Variants in PLEKHG1 observed in about 807,000 individuals in gnomAD.
PLEKHG1 encodes pleckstrin homology domain-containing family G member 1.
In PLEKHG1, 44 loss-of-function variants were observed where a neutral mutation model predicts 100.8. The ratio of observed to expected loss-of-function variants is 0.44; its 90% CI spans 0.34 to 0.56. The LOEUF (loss-of-function observed/expected upper bound fraction) is 0.56. PLEKHG1 is among the 20% of genes least tolerant of loss of function. The pLI, the probability that PLEKHG1 is intolerant of heterozygous loss-of-function variation, is 0.01. For synonymous variants in PLEKHG1, 640 were observed against 662.5 expected, an observed-to-expected ratio of 0.97 and a Z score of 0.52; for missense variants, 1,545 against 1,720.9, an observed-to-expected ratio of 0.90 and a Z score of 1.81.
chr6:150,725,558 A>G (rs150169093), intron 1 of PLEKHG1, among the ~76,000 whole-genome samples: 5 of 152,276 alleles, frequency 3.3e-5, no homozygotes, highest in Admixed American at 3.3e-4. Flanking sequence ...TGTTGGATGC[A>G]TGGTTTGCAA....
chr6:150,747,062 G>C (rs1196037264), intron 2 of PLEKHG1, among the ~76,000 whole-genome samples: 1 of 152,202 alleles, frequency 6.6e-6, no homozygotes, highest in Non-Finnish European at 1.5e-5. Flanking sequence ...CTGATATATT[G>C]CAAAGACCGC....
intron 3 of PLEKHG1, among the ~76,000 whole-genome samples, chr6:150,704,610 T>TA (rs770562136): frequency 9.2e-5 from 14 of 152,252 alleles, no homozygotes; most frequent in Non-Finnish European, 1.8e-4. Flanking sequence ...TCAGGTACCT[T>TA]TGCCCATTCC....
chr6:150,800,238 AG>A (rs913951695), intron 5 of PLEKHG1, among the ~76,000 whole-genome samples: 1 of 152,210 alleles, frequency 6.6e-6, no homozygotes, highest in African/African-American at 2.4e-5. Context: ...AGGGGCCAGC[AG>A]AGGGGGTGAT....
intron 4 of PLEKHG1, 78 bp from the exon 6 acceptor site, chr6:150,795,778 A>G (rs1306096654): frequency 1.1e-5 from 9 of 821,298 alleles, no homozygotes; most frequent in African/African-American, 3.4e-5. Context: ...CCCGAATGCT[A>G]TTTCTTTTTA....
chr6:150,748,407 GTTTTA>G (rs989022202), intron 2 of PLEKHG1, among the ~76,000 whole-genome samples: 4 of 145,042 alleles, frequency 2.8e-5, no homozygotes. Flanking sequence ...AGTAAGGAGT[GTTTTA>G]TTTGATATTT....
chr6:150,836,095 G>C (rs1381400625), intron 15 of PLEKHG1, among the ~76,000 whole-genome samples: 1 of 152,204 alleles, frequency 6.6e-6, no homozygotes, highest in East Asian at 1.9e-4. Context: ...AATGAAAGGA[G>C]TCTGGGTGCA....
chr6:150,761,123 T>TTTTTTC (rs1784137738), intron 2 of PLEKHG1, among the ~76,000 whole-genome samples: 1 of 103,376 alleles, frequency 9.7e-6, no homozygotes. Context: ...TTTTTTTTTT[T>TTTTTTC]GAGACAAAGT....
intron 2 of PLEKHG1, among the ~76,000 whole-genome samples, chr6:150,753,747 A>G (rs1289866943): frequency 6.6e-6 from 1 of 152,186 alleles, no homozygotes. Flanking sequence ...CGAAATGCAT[A>G]GTTTAGGGAC....
Position 150,831,072 on chromosome 6 carries a change from T to C in PLEKHG1, c.1961T>C (p.Ile654Thr), listed in dbSNP as rs1191918839. Residue 654 changes from isoleucine to threonine, a missense_variant, in exon 15 of 16, where the codon ATT (isoleucine) becomes ACT (threonine). Physicochemically the swap from Ile to Thr is moderately conservative, Grantham distance 89. Coordinates refer to ENST00000358517, the Ensembl canonical transcript of PLEKHG1. The surrounding 1 kb of genome is among the most constrained non-coding windows in gnomAD (Gnocchi z 4.1). ...TTTGGGTCATCCATAGAGTTGACTA[T>C]TGATGACATAGACCATGTCTATGAT... 4 of 1,614,056 alleles carry C rather than the reference T, an allele frequency of 2.5e-6. No homozygotes were observed. Among genetic ancestry groups the C allele is most frequent in the African/African-American group, 2.7e-5 (2 of 75,042 alleles).
intron 7 of PLEKHG1, 60 bp downstream of exon 8, chr6:150,804,801 C>G (rs1301375529): frequency 1.3e-6 from 2 of 1,539,074 alleles, no homozygotes; most frequent in African/African-American, 2.7e-5. Flanking sequence ...TACTGTTTTC[C>G]CAATAAAATA....
intron 2 of PLEKHG1, among the ~76,000 whole-genome samples, chr6:150,764,337 T>C (rs1784347690): frequency 6.6e-6 from 1 of 152,194 alleles, no homozygotes; most frequent in Admixed American, 6.5e-5. Flanking sequence ...CAGGCTGGTC[T>C]TGAACTCCTG....
In PLEKHG1 at chr6:150,640,557, A is replaced by G. The variant is rs147884449; in HGVS notation, c.-158+2432A>G. On this transcript the variant is annotated intron_variant, in intron 2 of 3. Transcript: ENST00000367326. ...TCCTCTCTAAAAGATCTATCTTGTCACCATTTATATATCATCCGGACTCTC... is the reference window on the plus strand; with the variant it reads ...TCCTCTCTAAAAGATCTATCTTGTCGCCATTTATATATCATCCGGACTCTC... Among the ~76,000 whole-genome samples the G allele has an allele frequency of 2.6e-5, 4 of 152,090 alleles. No individual in the cohort carries two copies. The East Asian group carries it at 7.7e-4, about 29-fold the overall frequency.
chr6:150,831,334 C>T lies in PLEKHG1; in HGVS notation c.2223C>T (p.Ile741=). Residue 741 remains isoleucine (I), a synonymous_variant, in exon 15 of 16, where the codon ATC becomes ATT. Transcript: ENST00000358517. The surrounding 1 kb of genome is among the most constrained non-coding windows in gnomAD (Gnocchi z 4.1). ...AACTCCAAGCGGTTGAGGAGAACAT[C>T]TATGACACCATAGGGCTCCCAGATC... 1.2e-6 allele frequency: 2 copies of T among 1,614,096 alleles called. No individual in the cohort carries two copies. Among genetic ancestry groups the T allele is most frequent in the South Asian group, 1.1e-5 (1 of 91,078 alleles).
chr6:150,671,561 C>A (rs1196485933), intron 3 of PLEKHG1, among the ~76,000 whole-genome samples: 1 of 152,184 alleles, frequency 6.6e-6, no homozygotes, highest in Non-Finnish European at 1.5e-5. Flanking sequence ...ATATGCCGGG[C>A]ACTGTAGTAA....
At chr6:150,744,707 C>T (rs1206729892) in intron 2 of PLEKHG1, among the ~76,000 whole-genome samples, 1 of 152,140 alleles carries the variant, frequency 6.6e-6, no homozygotes, top group Non-Finnish European at 1.5e-5. Flanking sequence ...TGGTGACATC[C>T]CTCAGTGTCA....
chr6:150,797,833 TCAAAAAAAAAAAAAAAA>T, intron 5 of PLEKHG1, among the ~76,000 whole-genome samples: 1 of 22,128 alleles, frequency 4.5e-5, no homozygotes, highest in African/African-American at 2.2e-4. Flanking sequence ...AGACTCTGTC[TCAAAAAAAAAAAAAAAA>T]AAAAAAAAAA....
At chr6:150,818,138 A>G (rs747193228) in intron 10 of PLEKHG1, 45 bp from the exon 12 acceptor site, 28 of 1,474,542 alleles carry the variant, frequency 1.9e-5, no homozygotes, top group East Asian at 1.8e-4. Context: ...GAGTTTAAAG[A>G]AAAAAAAAGC....
At chr6:150,841,101 T>C (rs1208474201) in exon 16 of PLEKHG1, 3 of 683,786 alleles carry the variant, frequency 4.4e-6, no homozygotes, top group Non-Finnish European at 7.9e-6. Flanking sequence ...GCATCAACAG[T>C]ATATTTTCTC....
chr6:150,604,651 C>G (rs1323080945), intron 1 of PLEKHG1, among the ~76,000 whole-genome samples: 1 of 152,192 alleles, frequency 6.6e-6, no homozygotes, highest in Non-Finnish European at 1.5e-5. Flanking sequence ...GACTTATAAT[C>G]AAGATCATTT....
Sources: allele counts gnomAD v4.1 joint callset (sites outside exome capture counted in the v4.1 genomes callset), GRCh38; gene constraint gnomAD v4.1.1; non-coding constraint Gnocchi (gnomAD v3.1); transcripts MANE v1.5; gene names NCBI Gene and HGNC (gene_info 2026-07-23, HGNC 2026-07-21).